The following AP5Z1 variants were observed in gnomAD, a reference collection of about 807,000 sequenced individuals.
The protein encoded by AP5Z1 is AP-5 complex subunit zeta-1.
In AP5Z1, 106 loss-of-function variants were observed where a neutral mutation model predicts 83.0. The observed-to-expected ratio is 1.28, with a 90% CI of 1.09 to 1.50. The LOEUF (loss-of-function observed/expected upper bound fraction) is 1.50. AP5Z1 is among the 40% of genes most tolerant of loss of function. AP5Z1 has a pLI of 0.00. For missense variants in AP5Z1, 1,565 were observed against 1,094.2 expected (o/e 1.43, Z -6.07); for synonymous variants, 751 against 514.1 (o/e 1.46, Z -6.23).
At position 4,792,405 on chromosome 7, in the gene AP5Z1, C is replaced by T. The variant is rs1781811331; in HGVS notation, c.*1020C>T. The T allele has an allele frequency of 6.6e-6, 1 of 150,600 alleles. No homozygotes were observed. The highest frequency in any genetic ancestry group is 2.4e-5 in the African/African-American group (1 of 41,132). 9.3% of individuals were successfully genotyped at this position (150,600 alleles called of 1,614,324 possible). ...GCCCCGCCCCCAATCCCCCATAGCT[C>T]TGCGACTAAGAAACCACAGGCTGAA... On this transcript the variant is annotated 3_prime_UTR_variant, in exon 17 of 17. Coordinates refer to ENST00000649063, the MANE Select transcript of AP5Z1 (RefSeq NM_014855.3).
intron 10 of AP5Z1, among the ~76,000 whole-genome samples, chr7:4,786,711 C>T (rs1781556925): frequency 6.6e-6 from 1 of 152,086 alleles, no homozygotes; most frequent in Non-Finnish European, 1.5e-5. Context: ...GGGCTGCTGC[C>T]TGGTAGGATC....
chr7:4,778,835 A>C (rs1008993141), intron 1 of AP5Z1, among the ~76,000 whole-genome samples: 3 of 145,010 alleles, frequency 2.1e-5, no homozygotes, highest in African/African-American at 7.5e-5. Flanking sequence ...ATATATCATT[A>C]TATATAATAT....
intron 14 of AP5Z1, chr7:4,790,214 G>A: frequency 1.3e-6 from 2 of 1,550,400 alleles, no homozygotes; most frequent in Non-Finnish European, 8.7e-7. Context: ...CTCTCCAAAG[G>A]CCTGATGCAT....
rs1781770601 is a variant in AP5Z1 at position 4,791,458 on chromosome 7, TAGGAGCTC to T, written c.*79_*86del. 4.0e-6 allele frequency: 6 copies of T among 1,505,786 alleles called. No homozygotes were observed. In the East Asian group the frequency reaches 1.5e-4, roughly 37 times the overall value. The allele number at this position is 1,505,786 out of a possible 1,614,324, so 93.3% of individuals were successfully genotyped here. On this transcript the variant is annotated 3_prime_UTR_variant, in exon 17 of 17. Coordinates refer to ENST00000649063, the MANE Select transcript of AP5Z1 (RefSeq NM_014855.3). ...CAGCTTGCTACTGAGGCCAGGCTGA[TAGGAGCTC>T]AGGAGGGCGCGGGAGTCCTGGGAGA... is the stretch of plus-strand genomic sequence containing the variant.
chr7:4,789,988 CCT>C (rs1781701698), intron 14 of AP5Z1, 59 bp downstream of exon 14: 1 of 1,193,324 alleles, frequency 8.4e-7, no homozygotes, highest in Admixed American at 2.8e-5. Flanking sequence ...GACTCCTCCC[CCT>C]CTCCCCTCCC....
chr7:4,788,592 A>G, intron 12 of AP5Z1: 1 of 494,010 alleles, frequency 2.0e-6, no homozygotes. Context: ...AGGAAGCAGG[A>G]GGCCTGGGAC....
rs1384932064 is a variant in AP5Z1 at position 4,783,141 on chromosome 7, G to A, written c.367-175G>A. Among the ~76,000 whole-genome samples, 7 of 152,206 alleles carry A rather than the reference G, an allele frequency of 4.6e-5. 1 individual carries two copies. The highest frequency in any genetic ancestry group is 4.1e-4 in the South Asian group (2 of 4,830). On this transcript the variant is annotated intron_variant, in intron 3 of 16. Transcript: ENST00000649063. ...GCTCCCAGGGAGAGAGGCTGGAGGC[G>A]GAGCAGGCACCTTGTGGCCCGGGGT...
intron 9 of AP5Z1, 87 bp downstream of exon 9, chr7:4,785,771 T>TA: frequency 7.1e-7 from 1 of 1,404,842 alleles, no homozygotes; most frequent in Non-Finnish European, 9.3e-7. Context: ...TTTTTTTTTT[T>TA]TTTTTTTTTG....
intron 1 of AP5Z1, among the ~76,000 whole-genome samples, chr7:4,780,599 CT>C (rs1377018776): frequency 6.6e-6 from 1 of 152,066 alleles, no homozygotes; most frequent in Non-Finnish European, 1.5e-5. Context: ...CCTGTCTTTA[CT>C]AAAAAATACA....
In AP5Z1 at chr7:4,787,786, T is replaced by C; in HGVS notation, c.1454+10T>C. The stretch of plus-strand genomic sequence containing the variant: ...TGGACCTGCAGCTCAGGTGGGCCCC[T>C]CACCCTCTGCCAGCGCTGCGTCTCC... On this transcript the variant is annotated intron_variant, in intron 11 of 16. Transcript: ENST00000649063. 6.6e-7 allele frequency: 1 copy of C among 1,524,960 alleles called. No individual in the cohort carries two copies. Among genetic ancestry groups the C allele is most frequent in the Non-Finnish European group, 8.8e-7 (1 of 1,137,792 alleles). 94.5% of individuals were successfully genotyped at this position (1,524,960 alleles called of 1,614,324 possible).
Position 4,787,644 on chromosome 7 carries a change from G to A in AP5Z1, c.1322G>A (p.Trp441Ter), listed in dbSNP as rs373919408. 138 of 1,552,372 alleles carry A rather than the reference G, an allele frequency of 8.9e-5. No homozygotes were observed. The highest frequency in any genetic ancestry group is 6.9e-4 in the Middle Eastern group (4 of 5,812). The part of the protein sequence containing the change: ...SFPNLFKFLA[W>*]NSPPLTSEFV... ...GTGCTGTGCCCACAGTTCCTGGCCTGGAACAGCCCACCCCTCACCTCCGAG... is the reference window on the plus strand; with the variant it reads ...GTGCTGTGCCCACAGTTCCTGGCCTAGAACAGCCCACCCCTCACCTCCGAG... Residue 441 changes from tryptophan to a stop codon, truncating the protein, a stop_gained, in exon 11 of 17, where the codon TGG becomes TAG. Coordinates refer to ENST00000649063, the MANE Select transcript of AP5Z1 (RefSeq NM_014855.3). LOFTEE classifies it high-confidence loss of function.
Position 4,790,544 on chromosome 7 carries a change from G to A in AP5Z1, c.1891G>A (p.Gly631Ser). 1 of 1,613,134 alleles carries A rather than the reference G, an allele frequency of 6.2e-7. No homozygotes were observed. Among genetic ancestry groups the A allele is most frequent in the Non-Finnish European group, 8.5e-7 (1 of 1,179,868 alleles). ...GGCAAGAGACCTGCTGGAGTTCCTGGGCAGCGTGAATGGTCTCTGCAGCAG... is the reference window on the plus strand; with the variant it reads ...GGCAAGAGACCTGCTGGAGTTCCTGAGCAGCGTGAATGGTCTCTGCAGCAG... The part of the protein sequence containing the change: ...ELARDLLEFL[G>S]SVNGLCSRAS... Residue 631 changes from glycine to serine, a missense_variant, in exon 15 of 17, where the codon GGC becomes AGC. By Grantham distance (56) the Gly-to-Ser change is moderately conservative. Transcript: ENST00000649063.
chr7:4,787,882 T>C lies in AP5Z1; in HGVS notation c.1454+106T>C, dbSNP rs535649358. 7.0e-4 allele frequency: 948 copies of C among 1,348,334 alleles called. 15 individuals are homozygous for C. In the South Asian group the frequency reaches 0.013, roughly 18 times the overall value. The allele number at this position is 1,348,334 out of a possible 1,614,324, so 83.5% of individuals were successfully genotyped here. A position where few individuals can be genotyped will look rare whatever the true frequency, so the allele number is the denominator to read the frequency against. ...ACCCCTACACCGGGGACCCTCCTTC[T>C]TCCCCCCCCAACACCTGACCAGTCC... On this transcript the variant is annotated intron_variant, in intron 11 of 16. Coordinates refer to ENST00000649063, the MANE Select transcript of AP5Z1 (RefSeq NM_014855.3).
intron 1 of AP5Z1, among the ~76,000 whole-genome samples, chr7:4,779,181 C>CAT (rs200476343): frequency 1.4e-5 from 2 of 143,716 alleles, no homozygotes; most frequent in East Asian, 4.0e-4. Context: ...TATAACATAA[C>CAT]ATATATAACA....
chr7:4,781,366 C>T, intron 2 of AP5Z1, 54 bp downstream of exon 2: 1 of 1,607,600 alleles, frequency 6.2e-7, no homozygotes, highest in Non-Finnish European at 8.5e-7. Flanking sequence ...CCAGGAGAAC[C>T]CAGCCCACGC....
At position 4,783,940 on chromosome 7, in the gene AP5Z1, C is replaced by G. The variant is rs1380192482; in HGVS notation, c.621+142C>G. On this transcript the variant is annotated intron_variant, in intron 5 of 16. Transcript: ENST00000649063. Reference sequence around the variant, plus strand: ...CCTGCCTCTGCTGCGGGGCTTGGGTCAGGCAGGGCCACAGCCCCCTGACCC... The same window carrying G: ...CCTGCCTCTGCTGCGGGGCTTGGGTGAGGCAGGGCCACAGCCCCCTGACCC... 9.1e-6 allele frequency: 9 copies of G among 989,200 alleles called. No homozygotes were observed. In the East Asian group the frequency reaches 2.4e-4, roughly 26 times the overall value. 61.3% of individuals were successfully genotyped at this position (989,200 alleles called of 1,614,324 possible).
chr7:4,780,487 A>G (rs185293445), intron 1 of AP5Z1, among the ~76,000 whole-genome samples: 3,867 of 151,926 alleles, frequency 0.025, 142 homozygotes, highest in African/African-American at 0.079. Context: ...GGCGTAGGCC[A>G]GGCGCGGTGG....
chr7:4,790,388 G>C (rs779935795), intron 14 of AP5Z1, 71 bp from the exon 15 acceptor site: 2 of 1,607,950 alleles, frequency 1.2e-6, no homozygotes, highest in Non-Finnish European at 1.7e-6. Flanking sequence ...GGTTTCTCCA[G>C]GCCCTTGGCC....
Position 4,783,355 on chromosome 7 carries a change from G to A in AP5Z1, c.406G>A (p.Val136Met), listed in dbSNP as rs373998378. 27 of 1,612,972 alleles carry A rather than the reference G, an allele frequency of 1.7e-5. No homozygotes were observed. Among genetic ancestry groups the A allele is most frequent in the East Asian group, 8.9e-5 (4 of 44,866 alleles). ...GGAGGTCAGAGCCGTGGGCCAGGGC[G>A]TGCTACGAGCGCTGGAGAGCCGGCA... ...NEEVRAVGQG[V>M]LRALESRQPE... Residue 136 changes from valine (V) to methionine (M), a missense_variant, in exon 4 of 17, where the codon GTG (valine) becomes ATG (methionine). Transcript: ENST00000649063.
Sources: allele counts gnomAD v4.1 joint callset (sites outside exome capture counted in the v4.1 genomes callset), GRCh38; gene constraint gnomAD v4.1.1; transcripts MANE v1.5; gene names NCBI Gene and HGNC (gene_info 2026-07-23, HGNC 2026-07-21).